MAML3: variants seen among roughly 807,000 people sequenced by gnomAD.
The protein encoded by MAML3 is mastermind-like protein 3.
A neutral mutation model predicts 101.9 loss-of-function variants in MAML3; 27 were observed. The ratio of observed to expected loss-of-function variants is 0.27; its 90% CI spans 0.20 to 0.37. The LOEUF is 0.37. Among genes scored for constraint, MAML3 ranks in the 10% least tolerant of loss-of-function variants. The pLI is 1.00. For missense variants in MAML3, 1,316 were observed against 1,444.9 expected (o/e 0.91, Z 1.45); for synonymous variants, 501 against 555.9 (o/e 0.90, Z 1.39).
At chr4:140,141,734 T>G (rs1728983143) in intron 1 of MAML3, among the ~76,000 whole-genome samples, 2 of 152,224 alleles carry the variant, frequency 1.3e-5, no homozygotes, top group Admixed American at 6.5e-5. Flanking sequence ...CTTTAAAAAC[T>G]AGTAATGTTC....
At chr4:140,027,155 C>A (rs1726839734) in intron 1 of MAML3, among the ~76,000 whole-genome samples, 2 of 151,954 alleles carry the variant, frequency 1.3e-5, no homozygotes, top group South Asian at 4.2e-4. Flanking sequence ...ACATGGCGTG[C>A]TTGAAGAAAA....
chr4:139,965,971 C>T (rs1392700130), intron 1 of MAML3, among the ~76,000 whole-genome samples: 1 of 152,106 alleles, frequency 6.6e-6, no homozygotes, highest in Non-Finnish European at 1.5e-5. Context: ...AACTATCTGG[C>T]CAAGTAATAT....
intron 2 of MAML3, among the ~76,000 whole-genome samples, chr4:139,803,614 C>G (rs989198428): frequency 2.0e-5 from 3 of 152,144 alleles, no homozygotes; most frequent in African/African-American, 4.8e-5. Context: ...AGGGTGGCAG[C>G]TGAAAGTTAC....
At chr4:139,775,001 C>T (rs1730065633) in intron 2 of MAML3, among the ~76,000 whole-genome samples, 1 of 152,130 alleles carries the variant, frequency 6.6e-6, no homozygotes, top group Non-Finnish European at 1.5e-5. Flanking sequence ...TTTTAGAACA[C>T]CAGCAATCCC....
At chr4:139,994,449 G>C (rs1033432630) in intron 1 of MAML3, among the ~76,000 whole-genome samples, 1 of 152,190 alleles carries the variant, frequency 6.6e-6, no homozygotes, top group Non-Finnish European at 1.5e-5. Context: ...AGGATTGCTT[G>C]AGGCCAGGAG....
chr4:140,012,798 A>G (rs1257930044), intron 1 of MAML3, among the ~76,000 whole-genome samples: 2 of 152,206 alleles, frequency 1.3e-5, no homozygotes, highest in East Asian at 3.9e-4. Context: ...CTGCCCTGGC[A>G]CCATCCCATA....
intron 1 of MAML3, among the ~76,000 whole-genome samples, chr4:140,051,478 A>T (rs922294291): frequency 2.6e-5 from 4 of 151,988 alleles, no homozygotes; most frequent in Non-Finnish European, 5.9e-5. Context: ...AATCGCTTGA[A>T]TCCAGGAGGC....
At chr4:139,758,402 T>C (rs1729694960) in intron 2 of MAML3, among the ~76,000 whole-genome samples, 1 of 152,256 alleles carries the variant, frequency 6.6e-6, no homozygotes, top group South Asian at 2.1e-4. Context: ...TTTTTGTTAA[T>C]ATTTTAAGAT....
In MAML3 at chr4:139,987,600, C is replaced by T. The variant is rs759482436; in HGVS notation, c.469-96633G>A. Among the ~76,000 whole-genome samples, 68 of 152,198 alleles carry T rather than the reference C, an allele frequency of 4.5e-4. 1 individual carries two copies. The highest frequency in any genetic ancestry group is 6.8e-3 in the Middle Eastern group (2 of 294). Reference sequence around the variant, plus strand: ...GGGTGTGGCATCTTTGTTCTCCCTGCGGTCATCTCCATTTAGAAGATGATA... The same window carrying T: ...GGGTGTGGCATCTTTGTTCTCCCTGTGGTCATCTCCATTTAGAAGATGATA... On this transcript the variant is annotated intron_variant, in intron 1 of 4. Transcript: ENST00000509479.
chr4:139,912,414 C>T (rs1732941171), intron 1 of MAML3, among the ~76,000 whole-genome samples: 1 of 152,174 alleles, frequency 6.6e-6, no homozygotes, highest in Non-Finnish European at 1.5e-5. Flanking sequence ...TTTCGTACAG[C>T]TAGTCCGTTA....
chr4:139,768,222 T>TTTTGTGTG lies in MAML3; in HGVS notation c.2080-37556_2080-37555insCACACAAA, dbSNP rs745658240. Among the ~76,000 whole-genome samples, 10 of 136,440 alleles carry TTTTGTGTG rather than the reference T, an allele frequency of 7.3e-5. No homozygotes were observed. The East Asian group carries it at 1.8e-3, about 24-fold the overall frequency. The allele number at this position is 136,440 out of a possible 152,430, so 89.5% of individuals were successfully genotyped here. On this transcript the variant is annotated intron_variant, in intron 2 of 4. Coordinates refer to ENST00000509479, the MANE Select transcript of MAML3 (RefSeq NM_018717.5). ...GGTTGTCTCTTTACTCTGTTGATAG[T>TTTTGTGTG]TGTGTGTGTGTGTGTGTGTGTGTGT...
At chr4:139,820,941 G>A (rs1048828059) in intron 2 of MAML3, among the ~76,000 whole-genome samples, 8 of 152,080 alleles carry the variant, frequency 5.3e-5, no homozygotes, top group Non-Finnish European at 1.2e-4. Context: ...CCACCTTTGA[G>A]GAGCTCTCCA....
chr4:140,001,856 T>C (rs1734930171), intron 1 of MAML3, among the ~76,000 whole-genome samples: 1 of 152,208 alleles, frequency 6.6e-6, no homozygotes, highest in African/African-American at 2.4e-5. Flanking sequence ...CAAACCAGGT[T>C]TACACAGAGA....
intron 2 of MAML3, among the ~76,000 whole-genome samples, chr4:139,824,908 A>G (rs532815738): frequency 1.3e-5 from 2 of 151,538 alleles, no homozygotes; most frequent in Admixed American, 6.6e-5. Flanking sequence ...TTCTTGCAGT[A>G]CCATCAGAAT....
intron 1 of MAML3, among the ~76,000 whole-genome samples, chr4:140,078,254 G>GA (rs1022620001): frequency 6.1e-5 from 9 of 147,812 alleles, no homozygotes; most frequent in African/African-American, 2.0e-4. Flanking sequence ...TTGGTTTTAA[G>GA]AAAAAAAATC....
At chr4:140,128,314 G>A (rs1424617325) in intron 1 of MAML3, among the ~76,000 whole-genome samples, 2 of 152,194 alleles carry the variant, frequency 1.3e-5, no homozygotes, top group Non-Finnish European at 1.5e-5. Context: ...AGTCACAGAT[G>A]AGCGAAGATG....
At chr4:139,882,178 T>C (rs1322903262) in intron 2 of MAML3, among the ~76,000 whole-genome samples, 2 of 151,634 alleles carry the variant, frequency 1.3e-5, no homozygotes, top group East Asian at 3.9e-4. Context: ...AGAAAAGATA[T>C]GAAAATCAGA....
intron 1 of MAML3, among the ~76,000 whole-genome samples, chr4:139,891,954 C>T (rs1047042427): frequency 3.3e-5 from 5 of 152,164 alleles, no homozygotes; most frequent in Non-Finnish European, 5.9e-5. Flanking sequence ...TTTTCCTAAA[C>T]GATGGGATTC....
chr4:139,855,084 G>C (rs937553678), intron 2 of MAML3, among the ~76,000 whole-genome samples: 1 of 152,116 alleles, frequency 6.6e-6, no homozygotes. Flanking sequence ...CTGCATCTTC[G>C]GCTCCATCTC....
Sources: allele counts gnomAD v4.1 joint callset (sites outside exome capture counted in the v4.1 genomes callset), GRCh38; gene constraint gnomAD v4.1.1; transcripts MANE v1.5; gene names NCBI Gene and HGNC (gene_info 2026-07-23, HGNC 2026-07-21).